DMD: variants seen among roughly 807,000 people sequenced by gnomAD.
DMD encodes dystrophin.
A neutral mutation model predicts 330.1 loss-of-function variants in DMD; 63 were observed. The ratio of observed to expected loss-of-function variants is 0.19; its 90% confidence interval spans 0.16 to 0.24. The LOEUF (loss-of-function observed/expected upper bound fraction) is 0.24. Among genes scored for constraint, DMD ranks in the 10% least tolerant of loss-of-function variants. The probability of loss-of-function intolerance (pLI) is 1.00; values close to 1 mark genes in which losing one functional copy is unlikely to be tolerated. For missense variants in DMD, 3,344 were observed against 2,684.1 expected, an observed-to-expected ratio of 1.25 and a Z score of -5.43; for synonymous variants, 1,223 against 959.8, an observed-to-expected ratio of 1.27 and a Z score of -5.07.
chrX:33,234,080 T>C lies in DMD; in HGVS notation c.7+105179A>G, dbSNP rs1003156310. Among the ~76,000 whole-genome samples the C allele has an allele frequency of 3.6e-5, 4 of 112,033 alleles. No individual in the cohort carries two copies. The Admixed American group carries it at 3.8e-4, about 11-fold the overall frequency. On this transcript the variant is annotated intron_variant, in intron 1 of 17. Coordinates refer to the DMD transcript ENST00000288447. ...GCAGATATGAAGCCAGAGCCCTTGCTTCCTGTCATTGCTCTATACCGGTCC... is the reference window on the plus strand; with the variant it reads ...GCAGATATGAAGCCAGAGCCCTTGCCTCCTGTCATTGCTCTATACCGGTCC...
intron 1 of DMD, among the ~76,000 whole-genome samples, chrX:33,172,454 A>C (rs1471402936): frequency 1.8e-5 from 2 of 111,833 alleles, no homozygotes; most frequent in Non-Finnish European, 3.8e-5. Flanking sequence ...TTAAGTGACC[A>C]AGCCTCTTGA....
chrX:31,520,881 A>G (rs1211310092), intron 55 of DMD, among the ~76,000 whole-genome samples: 1 of 110,449 alleles, frequency 9.1e-6, no homozygotes, highest in Non-Finnish European at 1.9e-5. Context: ...GGGTGTCACC[A>G]TGTTAGCCAG....
intron 29 of DMD, among the ~76,000 whole-genome samples, chrX:32,434,364 C>T (rs1421893193): frequency 9.0e-6 from 1 of 111,519 alleles, no homozygotes; most frequent in African/African-American, 3.3e-5. Context: ...GAGCCAAGAT[C>T]GTGCCATTGC....
rs375677395 is a variant in DMD at position 32,716,684 on chromosome X, A to T, written c.650-17391T>A. Among the ~76,000 whole-genome samples, 5 of 111,185 alleles carry T rather than the reference A, an allele frequency of 4.5e-5. No individual in the cohort carries two copies. In the East Asian group the frequency reaches 1.4e-3, roughly 32 times the overall value. On this transcript the variant is annotated intron_variant, in intron 7 of 78. Transcript: ENST00000357033. ...CTCAGAAGACAGGAAGATGAGGGAA[A>T]GTTTGTAACTTCCTAGAGACTTGAA...
intron 76 of DMD, among the ~76,000 whole-genome samples, chrX:31,136,304 A>G (rs2035225127): frequency 9.0e-6 from 1 of 111,492 alleles, no homozygotes; most frequent in South Asian, 3.8e-4. Context: ...CACATGCACT[A>G]TTTGCTTAAG....
At chrX:33,095,900 T>C (rs954370175) in intron 1 of DMD, among the ~76,000 whole-genome samples, 2 of 110,654 alleles carry the variant, frequency 1.8e-5, no homozygotes, top group African/African-American at 6.6e-5. Flanking sequence ...CTGTAAGCTA[T>C]TTTAACAACA....
intron 42 of DMD, among the ~76,000 whole-genome samples, chrX:32,296,119 C>T (rs539760589): frequency 6.2e-5 from 7 of 112,133 alleles, no homozygotes; most frequent in Non-Finnish European, 1.1e-4. Flanking sequence ...CAGCCGGGCG[C>T]GGTGGCTCAC....
At chrX:31,832,822 G>C (rs2093082580) in intron 49 of DMD, among the ~76,000 whole-genome samples, 1 of 112,244 alleles carries the variant, frequency 8.9e-6, no homozygotes, top group African/African-American at 3.2e-5. Flanking sequence ...GGTGATGTAA[G>C]CATTGAAAGT....
At chrX:32,476,959 TAACCTAC>T (rs1359585474) in intron 21 of DMD, among the ~76,000 whole-genome samples, 1 of 111,341 alleles carries the variant, frequency 9.0e-6, no homozygotes, top group Non-Finnish European at 1.9e-5. Flanking sequence ...TCCAATCTAA[TAACCTAC>T]CATCTTAAAA....
chrX:31,538,947 A>G (rs922922063), intron 55 of DMD, among the ~76,000 whole-genome samples: 2 of 111,331 alleles, frequency 1.8e-5, no homozygotes, highest in Middle Eastern at 4.6e-3. Flanking sequence ...GTAAAAGAGA[A>G]GGGTTATTCG....
intron 60 of DMD, among the ~76,000 whole-genome samples, chrX:31,363,750 G>T (rs1260220278): frequency 8.9e-6 from 1 of 111,859 alleles, no homozygotes; most frequent in Non-Finnish European, 1.9e-5. Context: ...GCAATTTTTT[G>T]TTGTGCTATC....
intron 6 of DMD, among the ~76,000 whole-genome samples, chrX:32,812,358 C>T (rs2077431239): frequency 8.9e-6 from 1 of 112,335 alleles, no homozygotes; most frequent in Non-Finnish European, 1.9e-5. Context: ...ATTGGCCAGG[C>T]GCAGTGGCTC....
chrX:33,001,550 A>G (rs1269174330), intron 2 of DMD, among the ~76,000 whole-genome samples: 1 of 101,990 alleles, frequency 9.8e-6, no homozygotes, highest in African/African-American at 4.2e-5. Flanking sequence ...CAGAGTTCTC[A>G]GACAATTTTT....
intron 16 of DMD, 47 bp downstream of exon 16, chrX:32,565,655 A>C: frequency 8.5e-7 from 1 of 1,169,854 alleles, no homozygotes; most frequent in Non-Finnish European, 1.2e-6. Context: ...ATGCAGGTTT[A>C]AAAAATCTCT....
intron 5 of DMD, among the ~76,000 whole-genome samples, chrX:32,817,399 T>G (rs2077852823): frequency 8.9e-6 from 1 of 112,463 alleles, no homozygotes; most frequent in Non-Finnish European, 1.9e-5. Flanking sequence ...CATGTGCAGA[T>G]GTTATTCAAC....
chrX:31,470,227 T>C (rs2067192611), intron 59 of DMD, among the ~76,000 whole-genome samples: 1 of 111,466 alleles, frequency 9.0e-6, no homozygotes, highest in Non-Finnish European at 1.9e-5. Context: ...GGAGAGGAGT[T>C]GTGATCATTT....
At chrX:33,133,923 ACACT>A (rs2095512410) in intron 1 of DMD, among the ~76,000 whole-genome samples, 1 of 112,195 alleles carries the variant, frequency 8.9e-6, no homozygotes, top group Non-Finnish European at 1.9e-5. Context: ...AAACAATAAA[ACACT>A]CACTCAATAT....
chrX:32,006,137 A>C (rs1029296772), intron 44 of DMD, among the ~76,000 whole-genome samples: 2 of 111,445 alleles, frequency 1.8e-5, no homozygotes, highest in Non-Finnish European at 3.8e-5. Flanking sequence ...GCTGGATACC[A>C]CTCTGCCATA....
chrX:32,628,616 T>C (rs2058528634), intron 11 of DMD, among the ~76,000 whole-genome samples: 1 of 110,619 alleles, frequency 9.0e-6, no homozygotes, highest in South Asian at 3.8e-4. Context: ...CATTCAATTA[T>C]TTGAAAGTTC....
Sources: gnomAD v4.1 joint callset for allele counts (sites outside exome capture counted in the v4.1 genomes callset) on GRCh38, gnomAD v4.1.1 for gene constraint, MANE v1.5 for transcripts, NCBI Gene and HGNC (gene_info 2026-07-23, HGNC 2026-07-21) for gene names.